Variants in ARHGAP10 observed in about 807,000 individuals in gnomAD.
ARHGAP10 encodes Rho GTPase activating protein 10, also known as rho GTPase-activating protein 10.
ARHGAP10 carries 87 observed loss-of-function variants against 108.6 expected under a neutral mutation model. The ratio of observed to expected loss-of-function variants is 0.80; its 90% CI spans 0.67 to 0.96. ARHGAP10 has a LOEUF of 0.96. ARHGAP10 is among the 40% of genes least tolerant of loss of function. The pLI, the probability that ARHGAP10 is intolerant of heterozygous loss-of-function variation, is 0.00. For synonymous variants in ARHGAP10, 347 were observed against 341.1 expected, an observed-to-expected ratio of 1.02 and a Z score of -0.19; for missense variants, 939 against 954.5, an observed-to-expected ratio of 0.98 and a Z score of 0.21.
intron 10 of ARHGAP10, among the ~76,000 whole-genome samples, chr4:147,900,447 T>G (rs2126899328): frequency 6.6e-6 from 1 of 152,340 alleles, no homozygotes; most frequent in East Asian, 1.9e-4. Context: ...AGCTTGCCCT[T>G]TTTCACTTGG....
At chr4:148,048,567 T>C (rs2149681181) in intron 20 of ARHGAP10, among the ~76,000 whole-genome samples, 1 of 152,314 alleles carries the variant, frequency 6.6e-6, no homozygotes, top group South Asian at 2.1e-4. Context: ...ACAATAACAG[T>C]AGTTACCTAG....
At chr4:147,836,959 A>G (rs1423657108) in intron 3 of ARHGAP10, among the ~76,000 whole-genome samples, 7 of 152,244 alleles carry the variant, frequency 4.6e-5, no homozygotes. Context: ...TAGTTAGGGC[A>G]GAGCCAAAAT....
intron 1 of ARHGAP10, among the ~76,000 whole-genome samples, chr4:147,765,639 A>G (rs1287364230): frequency 2.0e-5 from 3 of 151,688 alleles, no homozygotes; most frequent in African/African-American, 7.3e-5. Flanking sequence ...GTCTTTACAA[A>G]AAATACAAAA....
intron 20 of ARHGAP10, among the ~76,000 whole-genome samples, chr4:148,051,113 G>A (rs1363264375): frequency 3.3e-5 from 5 of 152,212 alleles, no homozygotes; most frequent in South Asian, 2.1e-4. Flanking sequence ...TGGTGTAGCT[G>A]TTGCCTCTGA....
At chr4:147,857,678 AC>A (rs1734151560) in intron 5 of ARHGAP10, 24 bp downstream of exon 5, 1 of 1,415,516 alleles carries the variant, frequency 7.1e-7, no homozygotes, top group South Asian at 1.6e-5. Flanking sequence ...TTTTTCTGTT[AC>A]GTTTTCAAAA....
chr4:147,780,065 A>AC (rs1441358984), intron 1 of ARHGAP10, among the ~76,000 whole-genome samples: 1 of 152,234 alleles, frequency 6.6e-6, no homozygotes, highest in African/African-American at 2.4e-5. Flanking sequence ...CATTATGAAC[A>AC]CTTACAGATT....
chr4:147,864,809 A>G (rs1325302408), intron 5 of ARHGAP10, 37 bp from the exon 6 acceptor site: 4 of 1,583,394 alleles, frequency 2.5e-6, no homozygotes, highest in African/African-American at 2.7e-5. Flanking sequence ...ACTTTTCACC[A>G]TCTCCAGTTT....
intron 14 of ARHGAP10, among the ~76,000 whole-genome samples, chr4:147,943,587 G>T (rs1463991289): frequency 6.6e-6 from 1 of 152,154 alleles, no homozygotes; most frequent in Non-Finnish European, 1.5e-5. Context: ...TTACGTAAGC[G>T]TGAAACATTC....
chr4:147,944,369 T>C (rs1360048416), intron 14 of ARHGAP10, among the ~76,000 whole-genome samples: 2 of 152,238 alleles, frequency 1.3e-5, no homozygotes, highest in African/African-American at 4.8e-5. Context: ...TGCTGTCAGT[T>C]GCTGTAATCA....
intron 1 of ARHGAP10, among the ~76,000 whole-genome samples, chr4:147,732,983 G>T (rs1250753458): frequency 6.6e-6 from 1 of 152,168 alleles, no homozygotes; most frequent in African/African-American, 2.4e-5. Flanking sequence ...TTCCCCGACA[G>T]TCCTGTTCCA....
chr4:147,789,356 C>G (rs1333593991), intron 1 of ARHGAP10, among the ~76,000 whole-genome samples: 1 of 152,238 alleles, frequency 6.6e-6, no homozygotes, highest in Non-Finnish European at 1.5e-5. Context: ...GTGGCACGAT[C>G]TCAGCTCACT....
intron 1 of ARHGAP10, among the ~76,000 whole-genome samples, chr4:147,812,649 T>A (rs1732078156): frequency 6.6e-6 from 1 of 152,206 alleles, no homozygotes; most frequent in African/African-American, 2.4e-5. Flanking sequence ...TTTTGATTAT[T>A]CACATACATT....
At chr4:147,901,523 C>G (rs1427622721) in intron 10 of ARHGAP10, among the ~76,000 whole-genome samples, 2 of 152,188 alleles carry the variant, frequency 1.3e-5, no homozygotes, top group Non-Finnish European at 2.9e-5. Context: ...TACTTAATCT[C>G]TCATCTTTCA....
intron 20 of ARHGAP10, among the ~76,000 whole-genome samples, chr4:148,049,294 G>A (rs1729021503): frequency 6.6e-6 from 1 of 152,174 alleles, no homozygotes; most frequent in African/African-American, 2.4e-5. Context: ...GAGTTCCCAG[G>A]TGACGATGAA....
intron 19 of ARHGAP10, among the ~76,000 whole-genome samples, chr4:148,034,558 A>G (rs550451044): frequency 2.8e-4 from 43 of 151,032 alleles, no homozygotes; most frequent in African/African-American, 1.0e-3. Context: ...TGAGCTCCTG[A>G]CCTCAGGTGG....
At chr4:147,953,689 T>A (rs962161595) in intron 15 of ARHGAP10, among the ~76,000 whole-genome samples, 3 of 152,034 alleles carry the variant, frequency 2.0e-5, no homozygotes, top group African/African-American at 7.2e-5. Flanking sequence ...TTACTGATTA[T>A]CTTAAAAGAT....
rs747449908 is a variant in ARHGAP10 at position 147,879,187 on chromosome 4, G to C, written c.833-45G>C. ...AATGTGTTTATAGCTCTGCAAATCT[G>C]CTTATTTATGAGGGAAAATATAAAG... On this transcript the variant is annotated intron_variant, in intron 8 of 22. Transcript: ENST00000336498. 3.3e-6 allele frequency: 5 copies of C among 1,530,348 alleles called. No individual in the cohort carries two copies. The South Asian group carries it at 4.6e-5, about 14-fold the overall frequency. The allele number at this position is 1,530,348 out of a possible 1,614,324, so 94.8% of individuals were successfully genotyped here.
chr4:147,912,553 ATATATAT>A (rs1454640298), intron 12 of ARHGAP10, among the ~76,000 whole-genome samples: 3 of 252 alleles, frequency 0.012, no homozygotes, highest in Non-Finnish European at 0.038. Context: ...AAACAAATAT[ATATATAT>A]ATATATATAT....
chr4:147,881,245 C>A (rs1398140733), intron 9 of ARHGAP10, among the ~76,000 whole-genome samples: 3 of 151,810 alleles, frequency 2.0e-5, no homozygotes, highest in Non-Finnish European at 4.4e-5. Context: ...TGCACTCCAG[C>A]CTGGGCAACA....
Sources: allele counts gnomAD v4.1 joint callset (sites outside exome capture counted in the v4.1 genomes callset), GRCh38; gene constraint gnomAD v4.1.1; transcripts MANE v1.5; gene names NCBI Gene and HGNC (gene_info 2026-07-23, HGNC 2026-07-21).